IGF2BP1: variants seen among roughly 807,000 people sequenced by gnomAD.
IGF2BP1 encodes the protein insulin like growth factor 2 mRNA binding protein 1, also known as insulin-like growth factor 2 mRNA-binding protein 1.
A neutral mutation model predicts 74.9 loss-of-function variants in IGF2BP1; 11 were observed. That is an observed-to-expected ratio of 0.15 (90% CI 0.09 to 0.24). The LOEUF (loss-of-function observed/expected upper bound fraction) is 0.24. Ranked by LOEUF, IGF2BP1 falls within the 10% of genes least tolerant of loss-of-function variation. The pLI is 1.00. For synonymous variants in IGF2BP1, 287 were observed against 281.8 expected, an observed-to-expected ratio of 1.02 and a Z score of -0.18; for missense variants, 440 against 757.4, an observed-to-expected ratio of 0.58 and a Z score of 4.92.
At chr17:49,038,038 TG>T (rs1567824479) in intron 5 of IGF2BP1, 129 bp from the exon 6 acceptor site, 1 of 731,596 alleles carries the variant, frequency 1.4e-6, no homozygotes, top group Non-Finnish European at 2.0e-6. Context: ...GTGGAGGTAG[TG>T]GGCAGGTGAC....
rs2042206926 is a variant in IGF2BP1, at chr17:49,054,846, A to G, written c.*5402A>G. 6.6e-6 allele frequency: 1 copy of G among 152,368 alleles called. No individual in the cohort carries two copies. Among genetic ancestry groups the G allele is most frequent in the African/African-American group, 2.4e-5 (1 of 41,438 alleles). The allele number at this position is 152,368 out of a possible 1,614,324, so 9.4% of individuals were successfully genotyped here. A position where few individuals can be genotyped will look rare whatever the true frequency, so the allele number is the denominator to read the frequency against. On this transcript the variant is annotated 3_prime_UTR_variant, in exon 15 of 15. Transcript: ENST00000290341. ...GGGCCCAGTTGGCTCTAGAAGGAGA[A>G]GAGGTGAAGCAGGATCCTTTGCCCT... is the stretch of plus-strand genomic sequence containing the variant.
intron 2 of IGF2BP1, among the ~76,000 whole-genome samples, chr17:49,019,927 TATATATATATA>T (rs2041761313): frequency 1.6e-5 from 1 of 61,632 alleles, no homozygotes; most frequent in Non-Finnish European, 3.0e-5. Flanking sequence ...TATATATATA[TATATATATATA>T]TATATATATA....
At chr17:49,035,514 T>C (rs1011019142) in intron 5 of IGF2BP1, among the ~76,000 whole-genome samples, 3 of 152,300 alleles carry the variant, frequency 2.0e-5, no homozygotes, top group Non-Finnish European at 4.4e-5. Flanking sequence ...CGAGGTGCGC[T>C]GGGAGGTGGC....
At position 49,055,700 on chromosome 17, in the gene IGF2BP1, G is replaced by GC. The variant is rs1181309783; in HGVS notation, c.*6256_*6257insC. Reference sequence around the variant, plus strand: ...CTTGATCCTGGTCCCCAAAACCAGAGTGAATCAAAAGAGCTTCCTCCCCTG... The same window carrying GC: ...CTTGATCCTGGTCCCCAAAACCAGAGCTGAATCAAAAGAGCTTCCTCCCCTG... On this transcript the variant is annotated 3_prime_UTR_variant, in exon 15 of 15. Transcript: ENST00000290341. 23 of 398,388 alleles carry GC rather than the reference G, an allele frequency of 5.8e-5. No homozygotes were observed. The highest frequency in any genetic ancestry group is 4.3e-4 in the African/African-American group (21 of 48,596). The allele number at this position is 398,388 out of a possible 1,614,324, so 24.7% of individuals were successfully genotyped here.
intron 5 of IGF2BP1, among the ~76,000 whole-genome samples, chr17:49,035,721 G>C (rs1231471788): frequency 2.0e-5 from 3 of 152,226 alleles, no homozygotes; most frequent in Non-Finnish European, 4.4e-5. Flanking sequence ...TTTCCGGGCT[G>C]CTCGCCTTCT....
At chr17:49,028,389 G>A (rs762817275) in intron 4 of IGF2BP1, among the ~76,000 whole-genome samples, 5 of 152,200 alleles carry the variant, frequency 3.3e-5, no homozygotes, top group Admixed American at 3.3e-4. Flanking sequence ...CCACGCAAGA[G>A]TAAACTGCTG....
intron 2 of IGF2BP1, among the ~76,000 whole-genome samples, chr17:49,023,446 C>CT (rs139887396): frequency 0.069 from 10,501 of 152,206 alleles, 521 homozygotes; most frequent in Non-Finnish European, 0.085. Context: ...CTTGCTGTAC[C>CT]CACTGTAAAC....
At chr17:48,999,032 G>A in intron 1 of IGF2BP1, 77 bp from the exon 2 acceptor site, 2 of 858,412 alleles carry the variant, frequency 2.3e-6, no homozygotes, top group Non-Finnish European at 3.9e-6. Flanking sequence ...AATTATCCTA[G>A]TGTCTTTTCC....
chr17:49,011,997 C>A (rs759291032), intron 2 of IGF2BP1, among the ~76,000 whole-genome samples: 2 of 150,636 alleles, frequency 1.3e-5, no homozygotes, highest in Non-Finnish European at 2.9e-5. Flanking sequence ...ATACAACCTC[C>A]GCCTCCTGGG....
At chr17:48,996,790 C>T (rs533636396), upstream of IGF2BP1, among the ~76,000 whole-genome samples, 1 of 152,208 alleles carries the variant, frequency 6.6e-6, no homozygotes. Context: ...GCTTTCCAGT[C>T]CCGCGCTCGC....
intron 2 of IGF2BP1, among the ~76,000 whole-genome samples, chr17:49,001,154 T>A (rs2041484086): frequency 6.6e-6 from 1 of 152,186 alleles, no homozygotes; most frequent in African/African-American, 2.4e-5. Flanking sequence ...ATTAAGTCAG[T>A]TTGCTCTATC....
intron 2 of IGF2BP1, among the ~76,000 whole-genome samples, chr17:49,023,846 G>T (rs981840169): frequency 6.6e-6 from 1 of 151,588 alleles, no homozygotes; most frequent in South Asian, 2.1e-4. Flanking sequence ...AGGGATTAGC[G>T]CATTTATTTG....
intron 11 of IGF2BP1, 96 bp downstream of exon 11, chr17:49,044,182 G>C: frequency 6.7e-7 from 1 of 1,489,158 alleles, no homozygotes; most frequent in Non-Finnish European, 9.0e-7. Context: ...ACTCATTTGA[G>C]AATTCTGTGT....
chr17:49,015,039 C>T, intron 2 of IGF2BP1: 2 of 650,174 alleles, frequency 3.1e-6, no homozygotes, highest in Non-Finnish European at 3.8e-6. Context: ...AGCGTGTGTC[C>T]TGTCGCCCAG....
rs61213607 is a variant in IGF2BP1, at chr17:49,019,955, T to TACAC, written c.237-5645_237-5642dup. Among the ~76,000 whole-genome samples the TACAC allele has an allele frequency of 1.6e-3, 124 of 78,442 alleles. 5 individuals carry two copies. The highest frequency in any genetic ancestry group is 6.8e-3 in the African/African-American group (113 of 16,730). 51.5% of individuals were successfully genotyped at this position (78,442 alleles called of 152,430 possible). On this transcript the variant is annotated intron_variant, in intron 2 of 14. Coordinates refer to ENST00000290341, the MANE Select transcript of IGF2BP1 (RefSeq NM_006546.4). ...ATATATATATATATATATATTTATATACACACACACACACACACACATACA... is the reference window on the plus strand; with the variant it reads ...ATATATATATATATATATATTTATATACACACACACACACACACACACACATACA...
chr17:49,024,206 C>T (rs1266667515), intron 2 of IGF2BP1, among the ~76,000 whole-genome samples: 3 of 146,824 alleles, frequency 2.0e-5, no homozygotes, highest in African/African-American at 7.5e-5. Flanking sequence ...GTTGGGATTA[C>T]AGGCGTGAGC....
chr17:48,999,446 C>T (rs1367224065), intron 2 of IGF2BP1, among the ~76,000 whole-genome samples: 1 of 151,970 alleles, frequency 6.6e-6, no homozygotes, highest in Non-Finnish European at 1.5e-5. Flanking sequence ...GGGGAGAAAC[C>T]TTGTGGAGTT....
rs959278625 is a variant in IGF2BP1, at chr17:49,051,815, G to A, written c.*2371G>A. 6.6e-6 allele frequency: 1 copy of A among 151,960 alleles called. No individual in the cohort carries two copies. The highest frequency in any genetic ancestry group is 1.5e-5 in the Non-Finnish European group (1 of 67,992). 9.4% of individuals were successfully genotyped at this position (151,960 alleles called of 1,614,324 possible). On this transcript the variant is annotated 3_prime_UTR_variant, in exon 15 of 15. Coordinates refer to ENST00000290341, the MANE Select transcript of IGF2BP1 (RefSeq NM_006546.4). ...GCCCTCAGAGAGGTCCACCTGGTTT[G>A]TCATTGCAATGCTTTTCATTTTTTT... is the stretch of plus-strand genomic sequence containing the variant.
chr17:49,029,364 G>A (rs565749609), intron 4 of IGF2BP1, among the ~76,000 whole-genome samples: 12 of 152,224 alleles, frequency 7.9e-5, no homozygotes, highest in South Asian at 2.1e-4. Context: ...CCTGTAATCC[G>A]AGGACTTTGG....
Sources: gnomAD v4.1 joint callset for allele counts (sites outside exome capture counted in the v4.1 genomes callset) on GRCh38, gnomAD v4.1.1 for gene constraint, MANE v1.5 for transcripts, NCBI Gene and HGNC (gene_info 2026-07-23, HGNC 2026-07-21) for gene names.